DNAH17: variants seen among roughly 807,000 people sequenced by gnomAD.
The protein encoded by DNAH17 is axonemal beta dynein heavy chain 17.
A neutral mutation model predicts 485.6 loss-of-function variants in DNAH17; 376 were observed. That is an observed-to-expected ratio of 0.77 (90% CI 0.71 to 0.84). The LOEUF (loss-of-function observed/expected upper bound fraction) is 0.84. Ranked by LOEUF, DNAH17 falls within the 40% of genes least tolerant of loss-of-function variation. DNAH17 has a pLI of 0.00. For synonymous variants in DNAH17, 3,031 were observed against 2,405.9 expected (o/e 1.26, Z -7.60); for missense variants, 6,370 against 5,839.3 (o/e 1.09, Z -2.96).
At chr17:78,499,143 C>G in intron 36 of DNAH17, 31 bp from the exon 37 acceptor site, 1 of 1,489,132 alleles carries the variant, frequency 6.7e-7, no homozygotes, top group Non-Finnish European at 9.0e-7. Flanking sequence ...AAAGGAAGAG[C>G]TGGGAGGGTG....
At chr17:78,481,292 A>T (rs146585288) in intron 48 of DNAH17, among the ~76,000 whole-genome samples, 356 of 150,406 alleles carry the variant, frequency 2.4e-3, no homozygotes, top group African/African-American at 8.1e-3. Flanking sequence ...TTTAGTAGAG[A>T]CTGGGTTTCA....
chr17:78,434,254 A>G (rs774165222), intron 74 of DNAH17, 34 bp from the exon 75 acceptor site: 16 of 1,566,942 alleles, frequency 1.0e-5, no homozygotes, highest in Middle Eastern at 3.4e-4. Flanking sequence ...GGTATTAGGG[A>G]GAGGGAGAAG....
At chr17:78,571,153 G>T in intron 5 of DNAH17, 120 bp from the exon 6 acceptor site, 6 of 1,268,310 alleles carry the variant, frequency 4.7e-6, no homozygotes, top group Non-Finnish European at 6.7e-6. Flanking sequence ...TTCTCAAGTG[G>T]AGGGGGCTGA....
rs1401202628 is a variant in DNAH17 at position 78,479,003 on chromosome 17, CAT to C, written c.7992+20_7992+21del. The C allele has an allele frequency of 1.9e-6, 3 of 1,607,662 alleles. No homozygotes were observed. The highest frequency in any genetic ancestry group is 2.6e-6 in the Non-Finnish European group (3 of 1,174,802). ...GCACTGGACCGTAAGGCAGGCATGA[CAT>C]AAAGCTACAAGAGCAGTACCTGGAA... is the stretch of plus-strand genomic sequence containing the variant. On this transcript the variant is annotated intron_variant, in intron 51 of 80. Transcript: ENST00000389840.
chr17:78,426,353 G>A, intron 79 of DNAH17, 104 bp downstream of exon 79: 2 of 1,364,598 alleles, frequency 1.5e-6, no homozygotes, highest in Non-Finnish European at 9.6e-7. Flanking sequence ...GCCCCCAGGA[G>A]CCTCCTGGCC....
At chr17:78,501,496 TG>T in intron 34 of DNAH17, 152 bp from the exon 35 acceptor site, 1 of 1,040,026 alleles carries the variant, frequency 9.6e-7, no homozygotes, top group Non-Finnish European at 1.4e-6. Context: ...TCCAACTGTA[TG>T]GCCACCCTCA....
chr17:78,443,297 C>T (rs1490187657), intron 71 of DNAH17, among the ~76,000 whole-genome samples: 2 of 152,194 alleles, frequency 1.3e-5, no homozygotes, highest in Admixed American at 6.5e-5. Context: ...GATCCCGCTG[C>T]GATGGCCGAG....
intron 16 of DNAH17, among the ~76,000 whole-genome samples, chr17:78,546,055 G>A (rs2091754554): frequency 6.6e-6 from 1 of 151,960 alleles, no homozygotes; most frequent in African/African-American, 2.4e-5. Flanking sequence ...GGTCACTGCA[G>A]CCTCGACCTC....
At chr17:78,456,375 C>T (rs1246881179) in intron 62 of DNAH17, among the ~76,000 whole-genome samples, 2 of 152,128 alleles carry the variant, frequency 1.3e-5, no homozygotes, top group Non-Finnish European at 2.9e-5. Flanking sequence ...GTTTCCTCTT[C>T]CCAAGTCACC....
intron 80 of DNAH17, 23 bp downstream of exon 80, chr17:78,425,323 A>G (rs766504183): frequency 6.2e-7 from 1 of 1,606,036 alleles, no homozygotes; most frequent in Non-Finnish European, 8.5e-7. Flanking sequence ...AAGCTTCTGC[A>G]GACAGACAAG....
At chr17:78,431,449 C>T (rs894834783) in intron 75 of DNAH17, among the ~76,000 whole-genome samples, 1 of 123,806 alleles carries the variant, frequency 8.1e-6, no homozygotes, top group Non-Finnish European at 1.9e-5. Flanking sequence ...GCTGAGGGAA[C>T]CCCCCACCCC....
At chr17:78,450,569 C>T in intron 67 of DNAH17, 113 bp downstream of exon 67, 1 of 1,442,410 alleles carries the variant, frequency 6.9e-7, no homozygotes, top group South Asian at 1.3e-5. Flanking sequence ...CCCACTCGGG[C>T]ACGTATGACC....
At position 78,560,978 on chromosome 17, in the gene DNAH17, T is replaced by C. The variant is rs763501926; in HGVS notation, c.1836-43A>G. 5.2e-5 allele frequency: 78 copies of C among 1,492,178 alleles called. No homozygotes were observed. In the African/African-American group the frequency reaches 1.0e-3, roughly 19 times the overall value. The allele number at this position is 1,492,178 out of a possible 1,614,324, so 92.4% of individuals were successfully genotyped here. A position where few individuals can be genotyped will look rare whatever the true frequency, so the allele number is the denominator to read the frequency against. ...AGGCGAGGCCCCACTGGATATCTCC[T>C]GTGGGGTGTCTTCGGCACGTCCCAT... is the stretch of plus-strand genomic sequence containing the variant. On this transcript the variant is annotated intron_variant, in intron 12 of 80. Transcript: ENST00000389840.
chr17:78,485,442 G>A (rs1364370422), intron 47 of DNAH17, 108 bp downstream of exon 47: 2 of 1,085,428 alleles, frequency 1.8e-6, no homozygotes, highest in African/African-American at 1.6e-5. Context: ...AAGTGAGGAG[G>A]TGCAAAGTGG....
At chr17:78,491,721 T>C (rs541139773) in intron 42 of DNAH17, among the ~76,000 whole-genome samples, 151 bp from the exon 43 acceptor site, 1 of 152,218 alleles carries the variant, frequency 6.6e-6, no homozygotes, top group Admixed American at 6.5e-5. Flanking sequence ...GTGCCCAGGC[T>C]CCCTGCCCTC....
chr17:78,523,685 C>T (rs1410161000), intron 25 of DNAH17, among the ~76,000 whole-genome samples: 3 of 152,206 alleles, frequency 2.0e-5, no homozygotes, highest in Admixed American at 6.5e-5. Context: ...ACGGATGGAT[C>T]GCTTGAGCCC....
intron 40 of DNAH17, 117 bp from the exon 41 acceptor site, chr17:78,494,290 C>T (rs188750221): frequency 9.2e-5 from 130 of 1,414,536 alleles, no homozygotes; most frequent in Middle Eastern, 3.7e-4. Context: ...CCTTGCCCTC[C>T]GATGCACGTG....
chr17:78,563,006 T>C (rs1338976615), intron 11 of DNAH17, among the ~76,000 whole-genome samples: 1 of 152,176 alleles, frequency 6.6e-6, no homozygotes, highest in Non-Finnish European at 1.5e-5. Context: ...GTCTCAGACT[T>C]TCCCCAGACT....
intron 46 of DNAH17, 60 bp from the exon 47 acceptor site, chr17:78,485,817 G>C: frequency 6.3e-7 from 1 of 1,589,776 alleles, no homozygotes; most frequent in East Asian, 2.2e-5. Flanking sequence ...GCCTCTCGTG[G>C]GTGTGCAGGC....
Sources: gnomAD v4.1 joint callset for allele counts (sites outside exome capture counted in the v4.1 genomes callset) on GRCh38, gnomAD v4.1.1 for gene constraint, MANE v1.5 for transcripts, NCBI Gene and HGNC (gene_info 2026-07-23, HGNC 2026-07-21) for gene names.